The following PFKFB1 variants were observed in gnomAD, a reference collection of about 807,000 sequenced individuals.
PFKFB1 encodes the protein 6-phosphofructo-2-kinase/fructose-2,6-bisphosphatase 1.
PFKFB1 carries 34 observed loss-of-function variants against 46.4 expected under a neutral mutation model. The observed-to-expected ratio is 0.73, with a 90% CI of 0.56 to 0.98. The LOEUF is 0.98. Among genes scored for constraint, PFKFB1 ranks in the 50% least tolerant of loss-of-function variants. The pLI is 0.00. For synonymous variants in PFKFB1, 119 were observed against 133.8 expected (o/e 0.89, Z 0.76); for missense variants, 393 against 376.3 (o/e 1.04, Z -0.37).
chrX:54,946,684 T>C (rs1229488642), intron 9 of PFKFB1, among the ~76,000 whole-genome samples: 1 of 112,095 alleles, frequency 8.9e-6, no homozygotes, highest in Non-Finnish European at 1.9e-5. Context: ...ACTAGGAGCC[T>C]GTCGCCTATG....
At chrX:54,992,969 G>C (rs1229198588) in intron 1 of PFKFB1, among the ~76,000 whole-genome samples, 2 of 111,250 alleles carry the variant, frequency 1.8e-5, no homozygotes, top group Non-Finnish European at 3.8e-5. Context: ...TATGCTCCTA[G>C]ATCCTCTAAG....
chrX:54,946,587 C>T (rs192394474), intron 9 of PFKFB1, among the ~76,000 whole-genome samples: 3 of 111,738 alleles, frequency 2.7e-5, no homozygotes, highest in African/African-American at 6.5e-5. Context: ...GAAACTTCTC[C>T]AACCCACACT....
At chrX:54,961,110 C>A (rs1215940684) in intron 2 of PFKFB1, among the ~76,000 whole-genome samples, 193 bp from the exon 3 acceptor site, 1 of 111,310 alleles carries the variant, frequency 9.0e-6, no homozygotes. Flanking sequence ...TCACTATTAC[C>A]ATTTTATAAA....
intron 5 of PFKFB1, among the ~76,000 whole-genome samples, chrX:54,958,619 C>T (rs375118650): frequency 9.0e-5 from 10 of 111,558 alleles, no homozygotes; most frequent in African/African-American, 3.3e-4. Context: ...ACTCTCTCCA[C>T]TCTTTCCCCA....
intron 10 of PFKFB1, among the ~76,000 whole-genome samples, chrX:54,943,213 A>C (rs1240872951): frequency 8.9e-6 from 1 of 112,010 alleles, no homozygotes; most frequent in Non-Finnish European, 1.9e-5. Flanking sequence ...GAAACTTTAA[A>C]GCAACAATGA....
At chrX:54,937,763 G>A (rs773755046) in intron 10 of PFKFB1, 39 bp from the exon 11 acceptor site, 9 of 1,167,826 alleles carry the variant, frequency 7.7e-6, no homozygotes, top group Non-Finnish European at 1.0e-5. Context: ...AAAGGAAGAT[G>A]AGGCACATTT....
At chrX:54,963,137 A>G in intron 2 of PFKFB1, 120 bp downstream of exon 2, 1 of 625,415 alleles carries the variant, frequency 1.6e-6, no homozygotes. Context: ...AGTAGTCCTA[A>G]TGCTGGTAAT....
chrX:54,945,537 A>G lies in PFKFB1; in HGVS notation c.1000T>C (p.Cys334Arg). The change falls in exon 10 of 14, where the codon TGT becomes CGT. Residue 334 changes from cysteine to arginine, a missense_variant. Transcript: ENST00000375006. ...ATTTCTTCATAGGTCATCTCCTCAC[A>G]GACACCCTGAGAAAAAGTATTTGGG... ...KALNEIDAGV[C>R]EEMTYEEIQE... 2.6e-6 allele frequency: 3 copies of G among 1,139,154 alleles called. No individual in the cohort carries two copies. The African/African-American group carries it at 5.3e-5, about 20-fold the overall frequency. The allele number at this position is 1,139,154 out of a possible 1,213,427, so 93.9% of individuals were successfully genotyped here.
chrX:54,953,968 ACT>A (rs1934059753), intron 7 of PFKFB1, among the ~76,000 whole-genome samples: 2 of 111,671 alleles, frequency 1.8e-5, no homozygotes, highest in South Asian at 7.5e-4. Flanking sequence ...CGGCATATTC[ACT>A]CTCTTTTTTG....
intron 10 of PFKFB1, among the ~76,000 whole-genome samples, chrX:54,943,789 T>C (rs1346615352): frequency 9.1e-6 from 1 of 109,340 alleles, no homozygotes; most frequent in Non-Finnish European, 1.9e-5. Flanking sequence ...AAATAAAAAA[T>C]AAATAAATAA....
At chrX:54,993,465 C>G (rs1255034007) in intron 1 of PFKFB1, among the ~76,000 whole-genome samples, 1 of 111,542 alleles carries the variant, frequency 9.0e-6, no homozygotes, top group African/African-American at 3.3e-5. Flanking sequence ...CAGCACCTGT[C>G]CCCTGAAAGA....
At chrX:54,976,275 A>G (rs978043688) in intron 1 of PFKFB1, among the ~76,000 whole-genome samples, 22 of 111,604 alleles carry the variant, frequency 2.0e-4, no homozygotes, top group African/African-American at 7.1e-4. Flanking sequence ...AACACTTAAA[A>G]CTGAACAATA....
Position 54,956,209 on chromosome X carries a change from T to C in PFKFB1, c.582A>G (p.Leu194=). The C allele has an allele frequency of 8.3e-7, 1 of 1,211,537 alleles. No individual in the cohort carries two copies. The highest frequency in any genetic ancestry group is 1.1e-6 in the Non-Finnish European group (1 of 895,240). ...CDREKVLEDF[L]KRIECYEVNY... ...TGACCTCATAGCACTCAATTCTCTT[T>C]AGAAAGTCTTCCAGAACCTTTTCCC... The change falls in exon 7 of 14, where the codon CTA becomes CTG. Residue 194 remains leucine, a synonymous_variant. Transcript: ENST00000375006.
chrX:54,974,307 CA>C (rs932931257), intron 1 of PFKFB1, among the ~76,000 whole-genome samples: 2 of 111,887 alleles, frequency 1.8e-5, no homozygotes, highest in African/African-American at 6.5e-5. Context: ...CAAATACTTA[CA>C]GCTAACTGAT....
rs1334646629 is a variant in PFKFB1, at chrX:54,963,257, C to G, written c.223G>C (p.Val75Leu). The change falls in exon 2 of 14, where the codon GTG (valine) becomes CTG (leucine). Residue 75 changes from valine (V) to leucine (L), a missense_variant and splice_region_variant. Val to Leu is a conservative substitution (Grantham distance 32). Coordinates refer to ENST00000375006, the MANE Select transcript of PFKFB1 (RefSeq NM_002625.4). ...YLNWIGTPTK[V>L]FNLGQYRREA... is the part of the protein sequence containing the mutation. ...TGAACAAAGGCTTTCAGAGACATAC[C>G]TTTAGTTGGTGTTCCTATCCAGTTG... 9 of 1,207,395 alleles carry G rather than the reference C, an allele frequency of 7.5e-6. No homozygotes were observed. Among genetic ancestry groups the G allele is most frequent in the East Asian group, 3.0e-5 (1 of 33,672 alleles).
chrX:54,956,128 T>C, intron 7 of PFKFB1, 25 bp downstream of exon 7: 1 of 1,093,302 alleles, frequency 9.1e-7, no homozygotes. Flanking sequence ...GATCTAGACC[T>C]TGACTTTGGG....
chrX:54,933,794 G>A, intron 13 of PFKFB1, 27 bp downstream of exon 13: 3 of 1,179,840 alleles, frequency 2.5e-6, no homozygotes, highest in Non-Finnish European at 3.5e-6. Context: ...TCCACAGCCA[G>A]CTTGGGCCAT....
chrX:54,977,808 TA>T (rs754456533), intron 1 of PFKFB1, among the ~76,000 whole-genome samples: 1 of 110,142 alleles, frequency 9.1e-6, no homozygotes, highest in South Asian at 3.8e-4. Context: ...ATAAGGAGAA[TA>T]GAAGTATATC....
chrX:54,975,689 C>G (rs1387055195), intron 1 of PFKFB1, among the ~76,000 whole-genome samples: 1 of 111,013 alleles, frequency 9.0e-6, no homozygotes, highest in Non-Finnish European at 1.9e-5. Context: ...GATTTTGAGA[C>G]TTATTATAAA....
Sources: allele counts gnomAD v4.1 joint callset (sites outside exome capture counted in the v4.1 genomes callset), GRCh38; gene constraint gnomAD v4.1.1; transcripts MANE v1.5; gene names NCBI Gene and HGNC (gene_info 2026-07-23, HGNC 2026-07-21).